The following TAFA2 variants were observed in gnomAD, a reference collection of about 807,000 sequenced individuals.
TAFA2 encodes the protein chemokine-like protein TAFA-2.
A neutral mutation model predicts 18.8 loss-of-function variants in TAFA2; 7 were observed. That is an observed-to-expected ratio of 0.37 (90% CI 0.21 to 0.70). The LOEUF (loss-of-function observed/expected upper bound fraction) is 0.70, where lower values mean the gene tolerates loss of function less well. Among genes scored for constraint, TAFA2 ranks in the 30% least tolerant of loss-of-function variants. The probability of loss-of-function intolerance (pLI) is 0.53; values close to 1 mark genes in which losing one functional copy is unlikely to be tolerated. For missense variants in TAFA2, 122 were observed against 158.1 expected (o/e 0.77, Z 1.23); for synonymous variants, 60 against 54.2 (o/e 1.11, Z -0.47).
At chr12:61,741,675 T>C (rs1206288075) in intron 4 of TAFA2, among the ~76,000 whole-genome samples, 1 of 152,136 alleles carries the variant, frequency 6.6e-6, no homozygotes, top group African/African-American at 2.4e-5. Context: ...CTGCCACTTC[T>C]GTACATGACA....
chr12:61,750,037 C>T (rs530093627), intron 4 of TAFA2, among the ~76,000 whole-genome samples: 45 of 151,484 alleles, frequency 3.0e-4, no homozygotes, highest in African/African-American at 1.1e-3. Flanking sequence ...TGTTTTTTTC[C>T]GATGATTTCA....
chr12:62,137,184 G>A (rs531257452), intron 1 of TAFA2, among the ~76,000 whole-genome samples: 3 of 152,096 alleles, frequency 2.0e-5, no homozygotes, highest in Non-Finnish European at 2.9e-5. Flanking sequence ...GTCCTGCACC[G>A]ATTCTTCCTG....
At chr12:61,985,615 T>C (rs1010932110) in intron 1 of TAFA2, among the ~76,000 whole-genome samples, 2 of 152,208 alleles carry the variant, frequency 1.3e-5, no homozygotes, top group African/African-American at 4.8e-5. Context: ...AAAATTCATT[T>C]AAAAATAAAA....
intron 2 of TAFA2, among the ~76,000 whole-genome samples, chr12:61,805,441 A>G (rs1311424557): frequency 6.6e-6 from 1 of 152,072 alleles, no homozygotes; most frequent in East Asian, 1.9e-4. Flanking sequence ...CAATATATTT[A>G]TATTTTTCAT....
At position 62,165,919 on chromosome 12, in the gene TAFA2, CCT is replaced by C. The variant is rs753736824; in HGVS notation, c.-2+25338_-2+25339del. On this transcript the variant is annotated intron_variant, in intron 1 of 4. Coordinates refer to ENST00000416284, the MANE Select transcript of TAFA2 (RefSeq NM_178539.5). ...AATACAGTCTCTCTCTCTCTCTCTT[CCT>C]CTCTCTCTCTCTCTCTCTCACACAC... is the stretch of plus-strand genomic sequence containing the variant. Among the ~76,000 whole-genome samples, 474 of 138,900 alleles carry C rather than the reference CCT, an allele frequency of 3.4e-3. 2 individuals carry two copies. The highest frequency in any genetic ancestry group is 0.014 in the Admixed American group (188 of 13,206). The allele number at this position is 138,900 out of a possible 152,430, so 91.1% of individuals were successfully genotyped here.
intron 4 of TAFA2, among the ~76,000 whole-genome samples, chr12:61,735,934 C>A (rs1338699588): frequency 6.6e-6 from 1 of 152,092 alleles, no homozygotes. Flanking sequence ...GCCAAGCATG[C>A]CTTAAACATA....
chr12:62,095,228 G>C (rs903351467), intron 1 of TAFA2, among the ~76,000 whole-genome samples: 1 of 152,086 alleles, frequency 6.6e-6, no homozygotes, highest in Non-Finnish European at 1.5e-5. Flanking sequence ...CAAGGTCTTT[G>C]AGCATCAGGC....
At chr12:61,725,684 T>C (rs561401381) in intron 4 of TAFA2, among the ~76,000 whole-genome samples, 30 of 152,284 alleles carry the variant, frequency 2.0e-4, no homozygotes, top group African/African-American at 7.2e-4. Flanking sequence ...TTGGTGACTA[T>C]AGCCTTATAG....
chr12:62,250,190 CT>C (rs1453859353), intron 1 of TAFA2, among the ~76,000 whole-genome samples: 1 of 152,194 alleles, frequency 6.6e-6, no homozygotes, highest in Admixed American at 6.5e-5. Flanking sequence ...GTCTTGAATA[CT>C]TTAACTGAAT....
intron 1 of TAFA2, among the ~76,000 whole-genome samples, chr12:62,140,829 A>G (rs1234533524): frequency 6.6e-6 from 1 of 152,184 alleles, no homozygotes; most frequent in African/African-American, 2.4e-5. Flanking sequence ...AGACTAGCTG[A>G]TCAAAGACTA....
chr12:61,881,428 G>A (rs994055464), intron 1 of TAFA2, among the ~76,000 whole-genome samples: 2 of 152,116 alleles, frequency 1.3e-5, no homozygotes, highest in Admixed American at 6.5e-5. Context: ...TTGTGTGTCT[G>A]AGCATATCTA....
At chr12:61,848,545 A>G (rs1351494397) in intron 2 of TAFA2, among the ~76,000 whole-genome samples, 1 of 152,190 alleles carries the variant, frequency 6.6e-6, no homozygotes, top group Non-Finnish European at 1.5e-5. Context: ...TTTTGTTTTT[A>G]CTGTATGTTT....
intron 1 of TAFA2, among the ~76,000 whole-genome samples, chr12:62,107,370 G>C (rs1869507610): frequency 6.6e-6 from 1 of 152,124 alleles, no homozygotes; most frequent in South Asian, 2.1e-4. Flanking sequence ...AATTCTACCA[G>C]AGTCTTAAGT....
chr12:62,016,605 A>G lies in TAFA2; in HGVS notation c.-1-149179T>C, dbSNP rs185440452. Among the ~76,000 whole-genome samples the G allele has an allele frequency of 2.1e-4, 32 of 152,332 alleles. No homozygotes were observed. In the East Asian group the frequency reaches 5.4e-3, roughly 26 times the overall value. ...TTTAGAATCAAGATGCAGGTGGCAT[A>G]CAACTGAGGAGAAAACCTCCTTTCC... On this transcript the variant is annotated intron_variant, in intron 1 of 4. Coordinates refer to ENST00000416284, the MANE Select transcript of TAFA2 (RefSeq NM_178539.5).
intron 2 of TAFA2, among the ~76,000 whole-genome samples, chr12:61,841,097 C>T (rs951080350): frequency 3.3e-5 from 5 of 151,584 alleles, no homozygotes; most frequent in South Asian, 2.1e-4. Context: ...AGCAAGAGGC[C>T]GGACAATGGT....
chr12:62,033,891 T>C (rs1881529721), intron 1 of TAFA2, among the ~76,000 whole-genome samples: 1 of 152,172 alleles, frequency 6.6e-6, no homozygotes, highest in South Asian at 2.1e-4. Flanking sequence ...AGATTACTTT[T>C]ATGAAAAAAT....
chr12:61,871,065 A>G (rs1874581203), intron 1 of TAFA2, among the ~76,000 whole-genome samples: 1 of 152,264 alleles, frequency 6.6e-6, no homozygotes, highest in East Asian at 1.9e-4. Context: ...AGAGGAAGGA[A>G]GTGTGTGTCA....
At chr12:62,077,114 C>G (rs557191109) in intron 1 of TAFA2, among the ~76,000 whole-genome samples, 2 of 152,260 alleles carry the variant, frequency 1.3e-5, no homozygotes, top group Admixed American at 6.5e-5. Context: ...TTATTCAACA[C>G]CAGATAAATT....
At chr12:62,143,362 T>A (rs978727467) in intron 1 of TAFA2, among the ~76,000 whole-genome samples, 10 of 152,250 alleles carry the variant, frequency 6.6e-5, no homozygotes, top group Non-Finnish European at 1.3e-4. Flanking sequence ...CCAGGTATCA[T>A]TAAGGCCATG....
Sources: allele counts gnomAD v4.1 joint callset (sites outside exome capture counted in the v4.1 genomes callset), GRCh38; gene constraint gnomAD v4.1.1; transcripts MANE v1.5; gene names NCBI Gene and HGNC (gene_info 2026-07-23, HGNC 2026-07-21).